The following GLYATL2 variants were observed in gnomAD, a reference collection of about 807,000 sequenced individuals.
The protein encoded by GLYATL2 is glycine-N-acyltransferase like 2, also known as glycine N-acyltransferase-like protein 2.
GLYATL2 carries 25 observed loss-of-function variants against 21.4 expected under a neutral mutation model. The observed-to-expected ratio is 1.17, with a 90% CI of 0.85 to 1.63. GLYATL2 has a LOEUF of 1.63. GLYATL2 is among the 40% of genes most tolerant of loss of function. The pLI is 0.00. For synonymous variants in GLYATL2, 114 were observed against 118.2 expected (o/e 0.96, Z 0.23); for missense variants, 361 against 343.3 (o/e 1.05, Z -0.41).
upstream of GLYATL2, among the ~76,000 whole-genome samples, chr11:58,848,101 G>T (rs974894949): frequency 6.6e-6 from 1 of 150,630 alleles, no homozygotes; most frequent in Non-Finnish European, 1.5e-5. Context: ...AGACTATTGA[G>T]GCGGTACCTT....
chr11:58,866,673 G>C (rs1162659855), intron 1 of GLYATL2, among the ~76,000 whole-genome samples: 1 of 149,190 alleles, frequency 6.7e-6, no homozygotes, highest in East Asian at 2.2e-4. Context: ...TCCAAGATTT[G>C]AGAGTCTGAG....
At chr11:58,901,142 A>C (rs1443634310) in intron 1 of GLYATL2, among the ~76,000 whole-genome samples, 1 of 152,202 alleles carries the variant, frequency 6.6e-6, no homozygotes, top group Admixed American at 6.5e-5. Flanking sequence ...ACAAGATGCA[A>C]GTAAAAAAGC....
chr11:58,882,863 G>A (rs980235236), intron 1 of GLYATL2, among the ~76,000 whole-genome samples: 4 of 152,300 alleles, frequency 2.6e-5, no homozygotes, highest in African/African-American at 9.6e-5. Flanking sequence ...TCAAAGATCA[G>A]ATGGTTGTAG....
Position 58,837,194 on chromosome 11 carries a change from G to T in GLYATL2, c.314-17C>A, listed in dbSNP as rs755414400. On this transcript the variant is annotated splice_polypyrimidine_tract_variant and intron_variant, in intron 4 of 5. Coordinates refer to ENST00000287275, the MANE Select transcript of GLYATL2 (RefSeq NM_145016.4). The stretch of plus-strand genomic sequence containing the variant: ...CTTGGCAACCTGGAGAAAGGAGAAA[G>T]ACAAGTACCACTTTATGCCTTCCAT... The T allele has an allele frequency of 1.2e-6, 2 of 1,613,146 alleles. No individual in the cohort carries two copies. Among genetic ancestry groups the T allele is most frequent in the African/African-American group, 1.3e-5 (1 of 74,856 alleles).
rs758516336 is a variant in GLYATL2, at chr11:58,837,294, C to A, written c.290G>T (p.Trp97Leu). Residue 97 changes from tryptophan to leucine, a missense_variant, in exon 4 of 6, where the codon TGG becomes TTG. Coordinates refer to ENST00000287275, the MANE Select transcript of GLYATL2 (RefSeq NM_145016.4). ...ACCTTGGATCTGCAAAGTTTGCTCC[C>A]AGCTGATTACATTGGAGTATGACAG... is the stretch of plus-strand genomic sequence containing the variant. ...EVLSYSNVISWEQTLQIQGCQ... is the reference protein window; with the variant it reads ...EVLSYSNVISLEQTLQIQGCQ... 1.9e-6 allele frequency: 3 copies of A among 1,613,922 alleles called. No individual in the cohort carries two copies. Among genetic ancestry groups the A allele is most frequent in the Admixed American group, 1.7e-5 (1 of 60,004 alleles).
intron 1 of GLYATL2, among the ~76,000 whole-genome samples, chr11:58,862,294 G>A (rs534688632): frequency 6.6e-6 from 1 of 152,050 alleles, no homozygotes; most frequent in South Asian, 2.1e-4. Context: ...ATTCTTGAAG[G>A]GATTGAATCT....
At position 58,861,393 on chromosome 11, in the gene GLYATL2, T is replaced by G. The variant is rs150996183; in HGVS notation, n.61-23025A>C. Among the ~76,000 whole-genome samples the G allele has an allele frequency of 1.1e-3, 174 of 152,164 alleles. 3 individuals carry two copies. Among genetic ancestry groups the G allele is most frequent in the African/African-American group, 3.7e-3 (155 of 41,574 alleles). ...CATATAATTGGTCATAATAGTCTAT[T>G]CTGATCCTTTGTGATATAAGTTGTA... On this transcript the variant is annotated intron_variant and non_coding_transcript_variant, in intron 1 of 4. Transcript: ENST00000533636.
At chr11:58,883,365 A>T (rs1009702578) in intron 1 of GLYATL2, among the ~76,000 whole-genome samples, 6 of 152,256 alleles carry the variant, frequency 3.9e-5, no homozygotes, top group African/African-American at 1.2e-4. Context: ...AATAGATGCA[A>T]TAAACAATGA....
At chr11:58,896,486 T>TGA (rs1478967489) in intron 1 of GLYATL2, among the ~76,000 whole-genome samples, 2 of 152,232 alleles carry the variant, frequency 1.3e-5, no homozygotes, top group Non-Finnish European at 2.9e-5. Flanking sequence ...TTCCATAGTG[T>TGA]GAGACAACAA....
chr11:58,896,402 G>C (rs1017120178), intron 1 of GLYATL2, among the ~76,000 whole-genome samples: 2 of 152,252 alleles, frequency 1.3e-5, no homozygotes, highest in Admixed American at 1.3e-4. Flanking sequence ...TTCAATGCAC[G>C]AGGAAACTCT....
Position 58,883,452 on chromosome 11 carries a change from A to G in GLYATL2, n.60+20704T>C, listed in dbSNP as rs188318962. On this transcript the variant is annotated intron_variant and non_coding_transcript_variant, in intron 1 of 4. Transcript: ENST00000533636. ...ACACTATAAAAACCTCTACGCAAAT[A>G]ACCTGAAAATCTAGAAGAAATGGAT... 8.6e-3 allele frequency among the ~76,000 whole-genome samples: 1,307 copies of G among 152,344 alleles called. 8 individuals carry two copies. The highest frequency in any genetic ancestry group is 0.014 in the Non-Finnish European group (943 of 68,026).
chr11:58,838,233 C>A, intron 3 of GLYATL2, 28 bp downstream of exon 3: 1 of 1,417,638 alleles, frequency 7.1e-7, no homozygotes, highest in Non-Finnish European at 1.0e-6. Context: ...GAGTGACTAC[C>A]CTCATATTCA....
upstream of GLYATL2, chr11:58,844,897 CA>C (rs1200525297): frequency 6.6e-6 from 1 of 152,156 alleles, no homozygotes; most frequent in East Asian, 1.9e-4. Context: ...TTAATACTTT[CA>C]ACCATTTGTG....
chr11:58,884,836 G>A (rs1448523780), intron 1 of GLYATL2: 1 of 164,480 alleles, frequency 6.1e-6, no homozygotes, highest in Non-Finnish European at 1.5e-5. Flanking sequence ...TACTTGAATG[G>A]AGATGTATAA....
chr11:58,865,170 G>A lies in GLYATL2; in HGVS notation n.61-26802C>T, dbSNP rs563208821. On this transcript the variant is annotated intron_variant and non_coding_transcript_variant, in intron 1 of 4. Coordinates refer to the GLYATL2 transcript ENST00000533636. ...TCTGCAAAAAAAAGGAAAGTTAAAC[G>A]CAATAGAGGAAAACTACTGTTGGCC... Among the ~76,000 whole-genome samples, 58 of 146,770 alleles carry A rather than the reference G, an allele frequency of 4.0e-4. 1 individual carries two copies. The highest frequency in any genetic ancestry group is 1.3e-3 in the African/African-American group (54 of 40,982).
chr11:58,880,149 T>C (rs1854307790), intron 1 of GLYATL2, among the ~76,000 whole-genome samples: 1 of 152,190 alleles, frequency 6.6e-6, no homozygotes, highest in Non-Finnish European at 1.5e-5. Flanking sequence ...TGAGCCACCG[T>C]GCCCGGCCAA....
intron 1 of GLYATL2, among the ~76,000 whole-genome samples, chr11:58,883,690 A>G (rs150418844): frequency 0.012 from 1,757 of 152,314 alleles, 12 homozygotes; most frequent in Non-Finnish European, 0.016. Flanking sequence ...CAATAAAAAA[A>G]GAGGGAATCT....
chr11:58,874,158 G>A (rs1477967229), intron 1 of GLYATL2, among the ~76,000 whole-genome samples: 1 of 151,918 alleles, frequency 6.6e-6, no homozygotes, highest in Non-Finnish European at 1.5e-5. Flanking sequence ...TTTTTTTATT[G>A]CATCTATTTG....
At chr11:58,885,817 C>T (rs370942067) in intron 1 of GLYATL2, among the ~76,000 whole-genome samples, 113 of 152,188 alleles carry the variant, frequency 7.4e-4, no homozygotes, top group African/African-American at 2.5e-3. Context: ...GCAGGGGTCA[C>T]CTGCAGGGGC....
Sources: gnomAD v4.1 joint callset for allele counts (sites outside exome capture counted in the v4.1 genomes callset) on GRCh38, gnomAD v4.1.1 for gene constraint, MANE v1.5 for transcripts, NCBI Gene and HGNC (gene_info 2026-07-23, HGNC 2026-07-21) for gene names.